TRAF7: variants seen among roughly 807,000 people sequenced by gnomAD.
TRAF7 encodes the protein E3 ubiquitin-protein ligase TRAF7.
In TRAF7, 45 loss-of-function variants were observed where a neutral mutation model predicts 89.3. That is an observed-to-expected ratio of 0.50 (90% CI 0.40 to 0.65). The LOEUF is 0.65. Ranked by LOEUF, TRAF7 falls within the 30% of genes least tolerant of loss-of-function variation. TRAF7 has a pLI of 0.00. For synonymous variants in TRAF7, 406 were observed against 369.2 expected, an observed-to-expected ratio of 1.10 and a Z score of -1.14; for missense variants, 677 against 918.1, an observed-to-expected ratio of 0.74 and a Z score of 3.39.
rs565958781 is a variant in TRAF7, at chr16:2,177,782, C to T, written c.*1208C>T. 4 of 244,860 alleles carry T rather than the reference C, an allele frequency of 1.6e-5. No individual in the cohort carries two copies. The highest frequency in any genetic ancestry group is 5.5e-5 in the Admixed American group (1 of 18,208). The allele number at this position is 244,860 out of a possible 1,614,324, so 15.2% of individuals were successfully genotyped here. A position where few individuals can be genotyped will look rare whatever the true frequency, so the allele number is the denominator to read the frequency against. Reference sequence around the variant, plus strand: ...AGCCACGCCAGGAGGAGGACACGGCCGCCGAGAGCAAGGCACAACCTCGAG... The same window carrying T: ...AGCCACGCCAGGAGGAGGACACGGCTGCCGAGAGCAAGGCACAACCTCGAG... On this transcript the variant is annotated 3_prime_UTR_variant, in exon 21 of 21. Transcript: ENST00000326181.
chr16:2,166,420 GT>G (rs1567248934), intron 3 of TRAF7, among the ~76,000 whole-genome samples: 2 of 152,108 alleles, frequency 1.3e-5, no homozygotes, highest in South Asian at 2.1e-4. Context: ...AGTCTGGTTT[GT>G]TTTTTTGAGA....
intron 2 of TRAF7, among the ~76,000 whole-genome samples, chr16:2,164,602 C>T (rs1210423485): frequency 1.5e-4 from 18 of 118,488 alleles, no homozygotes; most frequent in East Asian, 2.7e-4. Flanking sequence ...GCGGCCTGGT[C>T]GCATGGTTAA....
chr16:2,169,286 A>G (rs1239005858), intron 4 of TRAF7, among the ~76,000 whole-genome samples: 3 of 152,180 alleles, frequency 2.0e-5, no homozygotes, highest in Non-Finnish European at 4.4e-5. Context: ...GCTCAGCCAG[A>G]AAAGAAGTTT....
At chr16:2,170,419 G>A (rs1225252104) in intron 4 of TRAF7, among the ~76,000 whole-genome samples, 195 bp from the exon 5 acceptor site, 3 of 152,204 alleles carry the variant, frequency 2.0e-5, no homozygotes, top group Admixed American at 2.0e-4. Flanking sequence ...CCGCCCAGGC[G>A]GGCAGGCAGG....
chr16:2,166,395 T>G (rs113662306), intron 3 of TRAF7, among the ~76,000 whole-genome samples: 124 of 151,374 alleles, frequency 8.2e-4, no homozygotes, highest in African/African-American at 2.9e-3. Context: ...GGAGGGAGAG[T>G]GGAAGAGATC....
Position 2,170,566 on chromosome 16 carries a change from T to C in TRAF7, c.232-48T>C, listed in dbSNP as rs761745252. ...GGCTGGGTCCTGTCCTCCCCGAGGC[T>C]CTGACCCCGTGCGGAGCCCCCCGAC... On this transcript the variant is annotated intron_variant, in intron 4 of 20. Transcript: ENST00000326181. 5.4e-6 allele frequency: 8 copies of C among 1,472,350 alleles called. No individual in the cohort carries two copies. In the South Asian group the frequency reaches 6.9e-5, roughly 13 times the overall value. The allele number at this position is 1,472,350 out of a possible 1,614,324, so 91.2% of individuals were successfully genotyped here. A position where few individuals can be genotyped will look rare whatever the true frequency, so the allele number is the denominator to read the frequency against.
chr16:2,172,558 CA>C lies in TRAF7; in HGVS notation c.755del (p.Lys252ArgfsTer36). 6.5e-7 allele frequency: 1 copy of C among 1,544,542 alleles called. No individual in the cohort carries two copies. Among genetic ancestry groups the C allele is most frequent in the Non-Finnish European group, 8.8e-7 (1 of 1,141,954 alleles). ...TCAGGATGAACCTGGAGGCCCACCTCAAGGAGTGCGAGCACATCAAATGCCC... is the reference window on the plus strand; with the variant it reads ...TCAGGATGAACCTGGAGGCCCACCTCAGGAGTGCGAGCACATCAAATGCCC... ...LLRMNLEAHL[K>X]ECEHIKCPHS... On this transcript the variant is annotated frameshift_variant, in exon 9 of 21. Transcript: ENST00000326181. LOFTEE classifies it high-confidence loss of function.
intron 1 of TRAF7, among the ~76,000 whole-genome samples, chr16:2,157,299 G>T (rs2093039208): frequency 6.6e-6 from 1 of 152,142 alleles, no homozygotes; most frequent in Non-Finnish European, 1.5e-5. Flanking sequence ...AGTGGTATGG[G>T]CAGCCTGGCC....
Position 2,161,085 on chromosome 16 carries a change from G to A in TRAF7, c.-38-2798G>A, listed in dbSNP as rs1314591809. On this transcript the variant is annotated intron_variant, in intron 1 of 20. Transcript: ENST00000326181. The surrounding 1 kb of genome is among the most constrained non-coding windows in gnomAD (Gnocchi z 5.2). Reference sequence around the variant, plus strand: ...AACGTTCCCTGGCCTCCAGCCCCAGGGTCCCGCCCGCCTCCATGTCCCTGG... The same window carrying A: ...AACGTTCCCTGGCCTCCAGCCCCAGAGTCCCGCCCGCCTCCATGTCCCTGG... Among the ~76,000 whole-genome samples the A allele has an allele frequency of 6.6e-6, 1 of 152,066 alleles. No individual in the cohort carries two copies. The highest frequency in any genetic ancestry group is 2.1e-4 in the South Asian group (1 of 4,828).
At chr16:2,174,092 G>T in intron 13 of TRAF7, 44 bp downstream of exon 13, 2 of 1,608,832 alleles carry the variant, frequency 1.2e-6, no homozygotes, top group Non-Finnish European at 1.7e-6. Context: ...GGCTGGGCTG[G>T]GCACTGCCAC....
chr16:2,162,987 G>A lies in TRAF7; in HGVS notation c.-38-896G>A, dbSNP rs74823377. On this transcript the variant is annotated intron_variant, in intron 1 of 20. Coordinates refer to ENST00000326181, the MANE Select transcript of TRAF7 (RefSeq NM_032271.3). The surrounding 1 kb of genome is among the most constrained non-coding windows in gnomAD (Gnocchi z 5.0). ...GGTGCCTCACGGGGGGAGAGTGGGC[G>A]TCATCCAGCATGGACAGCCCCTTCC... Among the ~76,000 whole-genome samples, 1,460 of 152,286 alleles carry A rather than the reference G, an allele frequency of 9.6e-3. 21 individuals are homozygous for A. The highest frequency in any genetic ancestry group is 0.033 in the African/African-American group (1,381 of 41,556).
intron 4 of TRAF7, 74 bp from the exon 5 acceptor site, chr16:2,170,540 G>C: frequency 8.4e-7 from 1 of 1,185,476 alleles, no homozygotes. Context: ...CGCTTCCGCC[G>C]GGCTGGGTCC....
At chr16:2,172,120 G>A (rs2093114139) in intron 7 of TRAF7, 71 bp from the exon 8 acceptor site, 2 of 1,583,952 alleles carry the variant, frequency 1.3e-6, no homozygotes, top group Admixed American at 1.8e-5. Flanking sequence ...CCCATTAGAG[G>A]CTCATGCCCA....
chr16:2,160,408 A>AGTGTGGACGGGCAGGTG (rs952914644), intron 1 of TRAF7, among the ~76,000 whole-genome samples: 2 of 149,096 alleles, frequency 1.3e-5, no homozygotes, highest in African/African-American at 4.9e-5. Context: ...CAGCATGGGC[A>AGTGTGGACGGGCAGGTG]GTGTGGACGG....
At chr16:2,166,796 A>G (rs2093088047) in intron 3 of TRAF7, among the ~76,000 whole-genome samples, 1 of 152,236 alleles carries the variant, frequency 6.6e-6, no homozygotes, top group African/African-American at 2.4e-5. Context: ...CCTAAAAACC[A>G]GAGTGCTGCG....
At chr16:2,156,567 G>A (rs2093035496) in intron 1 of TRAF7, among the ~76,000 whole-genome samples, 1 of 152,128 alleles carries the variant, frequency 6.6e-6, no homozygotes. Context: ...AAGGCCTGTT[G>A]GAGAAGCAGC....
chr16:2,170,345 G>C (rs998555890), intron 4 of TRAF7, among the ~76,000 whole-genome samples: 2 of 152,260 alleles, frequency 1.3e-5, no homozygotes, highest in Non-Finnish European at 2.9e-5. Context: ...ATAGCAGGAA[G>C]TCTCTCCATT....
At chr16:2,170,849 T>C (rs1455764358) in intron 5 of TRAF7, 119 bp downstream of exon 5, 1 of 946,958 alleles carries the variant, frequency 1.1e-6, no homozygotes, top group Admixed American at 2.1e-5. Flanking sequence ...GGCTGGGGCC[T>C]GACGGGAACT....
intron 2 of TRAF7, among the ~76,000 whole-genome samples, 184 bp downstream of exon 2, chr16:2,164,185 CGTGCGTGT>C (rs2093071301): frequency 7.3e-6 from 1 of 136,472 alleles, no homozygotes; most frequent in Non-Finnish European, 1.6e-5. Flanking sequence ...CGCGCGCACG[CGTGCGTGT>C]GTGGTTGGGG....
Sources: gnomAD v4.1 joint callset for allele counts (sites outside exome capture counted in the v4.1 genomes callset) on GRCh38, gnomAD v4.1.1 for gene constraint, Gnocchi (gnomAD v3.1) non-coding constraint, MANE v1.5 for transcripts, NCBI Gene and HGNC (gene_info 2026-07-23, HGNC 2026-07-21) for gene names.